Variants in KCMF1 observed in about 807,000 individuals in gnomAD.
The protein encoded by KCMF1 is potassium channel modulatory factor 1, also known as E3 ubiquitin-protein ligase KCMF1.
Under a neutral mutation model 41.1 loss-of-function variants are expected in KCMF1, and 3 were observed. The ratio of observed to expected loss-of-function variants is 0.07; its 90% CI spans 0.03 to 0.19. KCMF1 has a LOEUF of 0.19. Ranked by LOEUF, KCMF1 falls within the 10% of genes least tolerant of loss-of-function variation. The pLI is 1.00. For synonymous variants in KCMF1, 142 were observed against 164.5 expected (o/e 0.86, Z 1.04); for missense variants, 286 against 488.9 (o/e 0.58, Z 3.91).
At chr2:84,977,512 G>T (rs527826217) in intron 1 of KCMF1, among the ~76,000 whole-genome samples, 1 of 151,938 alleles carries the variant, frequency 6.6e-6, no homozygotes, top group South Asian at 2.1e-4. Context: ...CATTGACCTC[G>T]CAGGCTCAAA....
At chr2:85,000,212 G>A (rs1377324511) in intron 1 of KCMF1, among the ~76,000 whole-genome samples, 2 of 151,944 alleles carry the variant, frequency 1.3e-5, no homozygotes, top group Admixed American at 6.6e-5. Flanking sequence ...TGCAAGCTCC[G>A]CTTCCCAGGT....
At chr2:84,989,607 G>C (rs1379797345) in intron 1 of KCMF1, among the ~76,000 whole-genome samples, 1 of 152,206 alleles carries the variant, frequency 6.6e-6, no homozygotes, top group Non-Finnish European at 1.5e-5. Context: ...TTGTAGAGGT[G>C]AGTAAGAGTC....
intron 1 of KCMF1, among the ~76,000 whole-genome samples, chr2:85,023,165 G>C (rs1332666498): frequency 1.3e-5 from 2 of 151,770 alleles, no homozygotes; most frequent in East Asian, 3.9e-4. Context: ...GGGATTACAG[G>C]CGTGAGCCAC....
At chr2:85,023,682 T>C (rs988068338) in intron 1 of KCMF1, among the ~76,000 whole-genome samples, 3 of 152,188 alleles carry the variant, frequency 2.0e-5, no homozygotes, top group Non-Finnish European at 4.4e-5. Flanking sequence ...CCACATTCTC[T>C]AGGTGCACAC....
At chr2:84,981,772 T>C (rs1248244757) in intron 1 of KCMF1, among the ~76,000 whole-genome samples, 1 of 152,090 alleles carries the variant, frequency 6.6e-6, no homozygotes, top group African/African-American at 2.4e-5. Context: ...GCTTTTTGTT[T>C]GTTTGTTTGT....
chr2:85,006,598 C>T (rs148669546), intron 1 of KCMF1, among the ~76,000 whole-genome samples: 2,214 of 151,728 alleles, frequency 0.015, 82 homozygotes, highest in Admixed American at 0.086. Flanking sequence ...CGCGCCCGGC[C>T]CTCATTTTCT....
intron 1 of KCMF1, among the ~76,000 whole-genome samples, chr2:85,019,303 A>G (rs752963113): frequency 2.0e-5 from 3 of 152,164 alleles, no homozygotes; most frequent in Non-Finnish European, 2.9e-5. Context: ...GTGTCATAAA[A>G]TGACACAGAT....
chr2:84,975,505 C>T (rs1432901384), intron 1 of KCMF1, among the ~76,000 whole-genome samples: 1 of 152,156 alleles, frequency 6.6e-6, no homozygotes, highest in Admixed American at 6.5e-5. Context: ...AACAGGCTCC[C>T]CACCCTACAG....
intron 1 of KCMF1, among the ~76,000 whole-genome samples, chr2:84,994,590 A>G (rs1162596439): frequency 2.0e-5 from 3 of 151,886 alleles, no homozygotes; most frequent in Admixed American, 2.0e-4. Flanking sequence ...TTTAGTAGAA[A>G]CGGGGTTTCT....
intron 1 of KCMF1, among the ~76,000 whole-genome samples, chr2:85,022,883 ATTC>A (rs1256838708): frequency 5.8e-4 from 66 of 114,700 alleles, no homozygotes; most frequent in African/African-American, 2.2e-3. Flanking sequence ...TACTGTATGT[ATTC>A]TTTTTTTTTT....
rs376392567 is a variant in KCMF1, at chr2:85,059,305, C to T, written c.*5896C>T. 1.1e-4 allele frequency: 16 copies of T among 152,316 alleles called. No individual in the cohort carries two copies. The highest frequency in any genetic ancestry group is 3.6e-4 in the African/African-American group (15 of 41,560). 9.4% of individuals were successfully genotyped at this position (152,316 alleles called of 1,614,324 possible). A position where few individuals can be genotyped will look rare whatever the true frequency, so the allele number is the denominator to read the frequency against. On this transcript the variant is annotated 3_prime_UTR_variant, in exon 7 of 7. Coordinates refer to ENST00000409785, the MANE Select transcript of KCMF1 (RefSeq NM_020122.5). ...CTGACCACTCACGATTCAGACTTAC[C>T]TTGGAAAATATCACACTGACGATAC...
In KCMF1 at chr2:85,056,416, G is replaced by A. The variant is rs1558590639; in HGVS notation, c.*3007G>A. 6.6e-6 allele frequency: 1 copy of A among 152,108 alleles called. No homozygotes were observed. Among genetic ancestry groups the A allele is most frequent in the South Asian group, 2.1e-4 (1 of 4,820 alleles). The allele number at this position is 152,108 out of a possible 1,614,324, so 9.4% of individuals were successfully genotyped here. A position where few individuals can be genotyped will look rare whatever the true frequency, so the allele number is the denominator to read the frequency against. ...GTCTGTGGGCCACAGTTAAAAGAACGGGTAACAGGTTCAGAGTTCTCTTGA... is the reference window on the plus strand; with the variant it reads ...GTCTGTGGGCCACAGTTAAAAGAACAGGTAACAGGTTCAGAGTTCTCTTGA... On this transcript the variant is annotated 3_prime_UTR_variant, in exon 7 of 7. Coordinates refer to ENST00000409785, the MANE Select transcript of KCMF1 (RefSeq NM_020122.5).
chr2:85,034,960 A>G (rs1392359672), intron 2 of KCMF1, 56 bp from the exon 3 acceptor site: 1 of 1,443,584 alleles, frequency 6.9e-7, no homozygotes, highest in Admixed American at 1.9e-5. Flanking sequence ...GTACGATTAC[A>G]TTTTTATATG....
intron 1 of KCMF1, among the ~76,000 whole-genome samples, chr2:85,025,327 A>G (rs1675071687): frequency 6.6e-6 from 1 of 152,174 alleles, no homozygotes; most frequent in Non-Finnish European, 1.5e-5. Context: ...CTTTTTTAAA[A>G]TGCTGTTGCA....
intron 1 of KCMF1, among the ~76,000 whole-genome samples, chr2:84,999,706 A>C (rs1574015414): frequency 6.6e-6 from 1 of 152,244 alleles, no homozygotes; most frequent in East Asian, 1.9e-4. Flanking sequence ...ATTTGCATAT[A>C]AGAGAAAGGG....
intron 2 of KCMF1, among the ~76,000 whole-genome samples, chr2:85,032,637 A>C (rs1675304003): frequency 6.6e-6 from 1 of 152,028 alleles, no homozygotes; most frequent in Middle Eastern, 3.2e-3. Flanking sequence ...TTGGTCTGCC[A>C]AAGTGCTGGG....
In KCMF1 at chr2:85,049,509, G is replaced by C. The variant is rs1213810529; in HGVS notation, c.745G>C (p.Glu249Gln). Residue 249 changes from glutamate (E) to glutamine (Q), a missense_variant, in exon 6 of 7, where the codon GAG becomes CAG. By Grantham distance (29) the Glu-to-Gln change is conservative. Around this residue, in one of 2 missense-constraint regions of KCMF1, gnomAD observed 191 missense variants for 279.3 expected, o/e 0.68. Transcript: ENST00000409785. ...QHAQAARQQLETARNATRRTN... is the reference protein window; with the variant it reads ...QHAQAARQQLQTARNATRRTN... ...TGCCCAGGCAGCACGGCAACAACTG[G>C]AGACCGCACGCAACGCAACCCGGCG... 1.2e-5 allele frequency: 19 copies of C among 1,613,886 alleles called. No homozygotes were observed. The highest frequency in any genetic ancestry group is 1.5e-5 in the Non-Finnish European group (18 of 1,179,912).
At chr2:85,026,551 T>TTGATCATGGTC (rs1675110907) in intron 1 of KCMF1, among the ~76,000 whole-genome samples, 1 of 151,656 alleles carries the variant, frequency 6.6e-6, no homozygotes, top group South Asian at 2.1e-4. Context: ...GTGCAGTAGT[T>TTGATCATGGTC]TGATCATGGT....
chr2:85,054,230 A>T lies in KCMF1; in HGVS notation c.*821A>T, dbSNP rs1675878653. On this transcript the variant is annotated 3_prime_UTR_variant, in exon 7 of 7. Transcript: ENST00000409785. ...TTTAAAATTTTTTCAATTGTTAAAT[A>T]TGTTTTATTCAGGTGTAGATGAATT... is the stretch of plus-strand genomic sequence containing the variant. 6.6e-6 allele frequency: 1 copy of T among 152,206 alleles called. No homozygotes were observed. Among genetic ancestry groups the T allele is most frequent in the South Asian group, 2.1e-4 (1 of 4,830 alleles). 9.4% of individuals were successfully genotyped at this position (152,206 alleles called of 1,614,324 possible). A position where few individuals can be genotyped will look rare whatever the true frequency, so the allele number is the denominator to read the frequency against.
Sources: gnomAD v4.1 joint callset for allele counts (sites outside exome capture counted in the v4.1 genomes callset) on GRCh38, gnomAD v4.1.1 for gene constraint, gnomAD v4.1.1 regional missense constraint, MANE v1.5 for transcripts, NCBI Gene and HGNC (gene_info 2026-07-23, HGNC 2026-07-21) for gene names.